Variants in CPS1 observed in about 807,000 individuals in gnomAD.
The protein encoded by CPS1 is carbamoyl-phosphate synthase [ammonia], mitochondrial.
Under a neutral mutation model 174.6 loss-of-function variants are expected in CPS1, and 109 were observed. The ratio of observed to expected loss-of-function variants is 0.62; its 90% CI spans 0.53 to 0.73. The LOEUF (loss-of-function observed/expected upper bound fraction) is 0.73, where lower values mean the gene tolerates loss of function less well. Ranked by LOEUF, CPS1 falls within the 30% of genes least tolerant of loss-of-function variation. The pLI is 0.00. For missense variants in CPS1, 1,689 were observed against 1,821.9 expected (o/e 0.93, Z 1.33); for synonymous variants, 637 against 632.0 (o/e 1.01, Z -0.12).
chr2:210,565,609 G>A (rs2370998), intron 1 of CPS1, among the ~76,000 whole-genome samples: 94,539 of 151,988 alleles, frequency 0.62, 29,952 homozygotes, highest in African/African-American at 0.74. Context: ...TGGTTCAAAA[G>A]TTTAAACGTA....
intron 1 of CPS1, among the ~76,000 whole-genome samples, chr2:210,558,572 G>A (rs1467356171): frequency 6.6e-6 from 1 of 151,914 alleles, no homozygotes; most frequent in Non-Finnish European, 1.5e-5. Context: ...TTCAAAGTTG[G>A]GTGACTTGGA....
chr2:210,649,205 A>G (rs921293608), intron 27 of CPS1, among the ~76,000 whole-genome samples: 2 of 152,196 alleles, frequency 1.3e-5, no homozygotes, highest in African/African-American at 4.8e-5. Flanking sequence ...AATGATGAAA[A>G]TGAAAAATTT....
At chr2:210,584,137 C>A (rs1330900188) in intron 6 of CPS1, among the ~76,000 whole-genome samples, 6 of 152,076 alleles carry the variant, frequency 3.9e-5, no homozygotes, top group Admixed American at 3.9e-4. Context: ...GAATTGCTAC[C>A]TTCTGTTTTT....
At position 210,593,280 on chromosome 2, in the gene CPS1, C is replaced by T. The variant is rs567440063; in HGVS notation, c.1164+324C>T. On this transcript the variant is annotated intron_variant, in intron 11 of 37. Transcript: ENST00000233072. ...AAATGAATTCCCTTTTGCTCTCTCT[C>T]GTTCTCATGACTGAAATGAAATTTT... 9.3e-5 allele frequency: 89 copies of T among 957,004 alleles called. 1 individual carries two copies. In the Middle Eastern group the frequency reaches 1.3e-3, roughly 14 times the overall value. The allele number at this position is 957,004 out of a possible 1,614,324, so 59.3% of individuals were successfully genotyped here.
At chr2:210,559,103 A>T (rs1195345146) in intron 1 of CPS1, among the ~76,000 whole-genome samples, 5 of 152,146 alleles carry the variant, frequency 3.3e-5, no homozygotes. Flanking sequence ...TTAAAAACTC[A>T]ACTGTCTTAG....
chr2:210,591,837 G>C lies in CPS1; in HGVS notation c.954G>C (p.Gln318His). 3.1e-6 allele frequency: 5 copies of C among 1,612,210 alleles called. No individual in the cohort carries two copies. The highest frequency in any genetic ancestry group is 4.2e-6 in the Non-Finnish European group (5 of 1,178,894). Residue 318 changes from glutamine to histidine, a missense_variant, in exon 10 of 38, where the codon CAG (glutamine) becomes CAC (histidine). Coordinates refer to ENST00000233072, the MANE Select transcript of CPS1 (RefSeq NM_001875.5). Reference protein sequence around the residue: ...TYKMSMANRGQNQPVLNITNK... With the variant: ...TYKMSMANRGHNQPVLNITNK... ...TTTCTCCTTTTCTCTCCAGAGGGCA[G>C]AATCAGCCTGTTTTGAATATCACAA...
chr2:210,560,822 G>A (rs989054553), intron 1 of CPS1, among the ~76,000 whole-genome samples: 3 of 152,142 alleles, frequency 2.0e-5, no homozygotes, highest in African/African-American at 7.2e-5. Context: ...CTCTGTACAC[G>A]TTAGATGTAA....
At chr2:210,560,853 C>T (rs1697074988) in intron 1 of CPS1, among the ~76,000 whole-genome samples, 1 of 152,128 alleles carries the variant, frequency 6.6e-6, no homozygotes, top group African/African-American at 2.4e-5. Flanking sequence ...GGGGTTATCA[C>T]ACACTTTTAA....
chr2:210,568,317 G>A (rs907690356), intron 1 of CPS1, among the ~76,000 whole-genome samples: 1 of 152,060 alleles, frequency 6.6e-6, no homozygotes, highest in South Asian at 2.1e-4. Context: ...TATAGAGAGC[G>A]AGCCAGATGA....
intron 21 of CPS1, among the ~76,000 whole-genome samples, chr2:210,624,733 A>G (rs1699644287): frequency 1.3e-5 from 2 of 151,922 alleles, no homozygotes; most frequent in Admixed American, 6.6e-5. Flanking sequence ...AGTTTTGGCA[A>G]ATGATTGTGC....
intron 29 of CPS1, among the ~76,000 whole-genome samples, chr2:210,654,889 G>T (rs1700659781): frequency 1.3e-5 from 2 of 151,920 alleles, no homozygotes; most frequent in Admixed American, 6.6e-5. Flanking sequence ...AATGGTAATG[G>T]TATCTACTTA....
chr2:210,534,156 C>T (rs1444373598), intron 1 of CPS1, among the ~76,000 whole-genome samples: 3 of 152,106 alleles, frequency 2.0e-5, no homozygotes, highest in Non-Finnish European at 4.4e-5. Context: ...GTCAGGATAC[C>T]CTGTGGGGAA....
chr2:210,637,833 G>A lies in CPS1; in HGVS notation c.2819G>A (p.Trp940Ter), dbSNP rs1446095060. 6.2e-7 allele frequency: 1 copy of A among 1,613,844 alleles called. No homozygotes were observed. Among genetic ancestry groups the A allele is most frequent in the Non-Finnish European group, 8.5e-7 (1 of 1,179,838 alleles). Residue 940 changes from tryptophan (W) to a stop codon, truncating the protein, a stop_gained, in exon 22 of 38, where the codon TGG becomes TAG. Coordinates refer to ENST00000233072, the MANE Select transcript of CPS1 (RefSeq NM_001875.5). LOFTEE classifies it high-confidence loss of function. ...AGGTTAAAGAAAAACATCCACCCTT[G>A]GGTTAAACAGGTAAAGGAGTTTCCC... ...ELRLKKNIHP[W>*]VKQIDTLAAE... is the part of the protein sequence containing the mutation.
At chr2:210,494,760 C>T (rs1243550213) in intron 1 of CPS1, among the ~76,000 whole-genome samples, 1 of 152,160 alleles carries the variant, frequency 6.6e-6, no homozygotes, top group Non-Finnish European at 1.5e-5. Context: ...TCTTACACTT[C>T]ACTGAAGTAT....
At position 210,663,136 on chromosome 2, in the gene CPS1, C is replaced by T; in HGVS notation, c.3941C>T (p.Ser1314Phe). 6.2e-7 allele frequency: 1 copy of T among 1,613,458 alleles called. No individual in the cohort carries two copies. Among genetic ancestry groups the T allele is most frequent in the Non-Finnish European group, 8.5e-7 (1 of 1,179,906 alleles). ...DYVAIKAPMF[S>F]WPRLRDADPI... Reference sequence around the variant, plus strand: ...TTTTTCCAACAGGCTCCCATGTTTTCCTGGCCCCGGTTGAGGGATGCTGAC... The same window carrying T: ...TTTTTCCAACAGGCTCCCATGTTTTTCTGGCCCCGGTTGAGGGATGCTGAC... The change falls in exon 33 of 38, where the codon TCC becomes TTC. Residue 1314 changes from serine to phenylalanine, a missense_variant. Coordinates refer to ENST00000233072, the MANE Select transcript of CPS1 (RefSeq NM_001875.5).
chr2:210,592,541 C>T (rs757775617), intron 10 of CPS1, among the ~76,000 whole-genome samples: 1 of 151,908 alleles, frequency 6.6e-6, no homozygotes, highest in South Asian at 2.1e-4. Context: ...TAATTTCGGA[C>T]TTGGGGATAA....
intron 18 of CPS1, among the ~76,000 whole-genome samples, chr2:210,607,446 A>G (rs1203242823): frequency 2.0e-5 from 3 of 151,996 alleles, no homozygotes; most frequent in South Asian, 2.1e-4. Flanking sequence ...TCTGCTGTCT[A>G]TGTAACAGCC....
chr2:210,594,563 C>T lies in CPS1; in HGVS notation c.1220C>T (p.Thr407Ile), dbSNP rs1411855364. Residue 407 changes from threonine to isoleucine, a missense_variant, in exon 12 of 38, where the codon ACA (threonine) becomes ATA (isoleucine). Thr to Ile is a moderately conservative substitution (Grantham distance 89, BLOSUM62 -1). Transcript: ENST00000233072. ...AAGAAAGGAAAAGCTACCACCATTA[C>T]ATCAGTCTTACCGAAGCCAGCACTA... ...LIKKGKATTI[T>I]SVLPKPALVA... 10 of 1,611,390 alleles carry T rather than the reference C, an allele frequency of 6.2e-6. No individual in the cohort carries two copies. Among genetic ancestry groups the T allele is most frequent in the Non-Finnish European group, 7.6e-6 (9 of 1,178,320 alleles).
intron 16 of CPS1, 74 bp downstream of exon 16, chr2:210,602,404 T>A: frequency 6.6e-7 from 1 of 1,515,030 alleles, no homozygotes; most frequent in East Asian, 2.3e-5. Context: ...CTAGAGAAAG[T>A]TATGTAGATG....
Sources: gnomAD v4.1 joint callset for allele counts (sites outside exome capture counted in the v4.1 genomes callset) on GRCh38, gnomAD v4.1.1 for gene constraint, MANE v1.5 for transcripts, NCBI Gene and HGNC (gene_info 2026-07-23, HGNC 2026-07-21) for gene names.